Variants in SLC7A14 observed in about 807,000 individuals in gnomAD.
The protein encoded by SLC7A14 is gamma-aminobutyric acid transporter SLC7A14.
A neutral mutation model predicts 60.2 loss-of-function variants in SLC7A14; 37 were observed. The observed-to-expected ratio is 0.61, with a 90% CI of 0.47 to 0.81. The LOEUF (loss-of-function observed/expected upper bound fraction) is 0.81, where lower values mean the gene tolerates loss of function less well. Ranked by LOEUF, SLC7A14 falls within the 30% of genes least tolerant of loss-of-function variation. The pLI is 0.00. For missense variants in SLC7A14, 886 were observed against 982.7 expected (o/e 0.90, Z 1.32); for synonymous variants, 399 against 395.8 (o/e 1.01, Z -0.10).
At chr3:170,546,190 C>A (rs944862641) in intron 1 of SLC7A14, among the ~76,000 whole-genome samples, 1 of 152,232 alleles carries the variant, frequency 6.6e-6, no homozygotes, top group African/African-American at 2.4e-5. Context: ...ACCCAGCTCT[C>A]AGACAGAAGC....
At chr3:170,545,882 G>A (rs576510798) in intron 1 of SLC7A14, among the ~76,000 whole-genome samples, 8 of 152,346 alleles carry the variant, frequency 5.3e-5, no homozygotes, top group African/African-American at 1.9e-4. Flanking sequence ...ATAGTAAGCT[G>A]AGCACAGTGC....
Position 170,503,455 on chromosome 3 carries a change from G to A in SLC7A14, c.305-2110C>T, listed in dbSNP as rs191567755. 3.3e-5 allele frequency among the ~76,000 whole-genome samples: 5 copies of A among 152,232 alleles called. No individual in the cohort carries two copies. In the East Asian group the frequency reaches 7.7e-4, roughly 24 times the overall value. ...GATGCCGTGTGTTTTCAGGGTTCTC[G>A]GGAGTTGAGTTTGCACATACGGATT... On this transcript the variant is annotated intron_variant, in intron 2 of 7. Transcript: ENST00000231706.
chr3:170,534,221 G>A lies in SLC7A14; in HGVS notation c.-152-7133C>T, dbSNP rs181762406. Among the ~76,000 whole-genome samples the A allele has an allele frequency of 9.8e-5, 15 of 152,318 alleles. 1 individual carries two copies. Among genetic ancestry groups the A allele is most frequent in the Non-Finnish European group, 1.3e-4 (9 of 68,024 alleles). On this transcript the variant is annotated intron_variant, in intron 1 of 7. Transcript: ENST00000231706. ...AGATCTTTTCCCCAATCTGGACTGG[G>A]AGTCTACTCCACACGCCTTCTTATT...
intron 2 of SLC7A14, among the ~76,000 whole-genome samples, chr3:170,506,440 G>C (rs1410937767): frequency 6.6e-6 from 1 of 152,160 alleles, no homozygotes; most frequent in Non-Finnish European, 1.5e-5. Flanking sequence ...TTGAAAAGTG[G>C]GTTGGGACAA....
rs377049341 is a variant in SLC7A14, at chr3:170,501,318, C to T, written c.332G>A (p.Arg111Gln). 26 of 1,614,026 alleles carry T rather than the reference C, an allele frequency of 1.6e-5. No homozygotes were observed. Among genetic ancestry groups the T allele is most frequent in the African/African-American group, 2.7e-5 (2 of 74,916 alleles). ...SGVCYAEFGV[R>Q]VPKTTGSAYT... ...GGCAGATCCTGTGGTCTTGGGGACT[C>T]GAACTCCAAACTCTGCATAGCAGAC... Residue 111 changes from arginine (R) to glutamine (Q), a missense_variant, in exon 3 of 8, where the codon CGA becomes CAA. Arg to Gln is a conservative substitution (Grantham distance 43). Coordinates refer to ENST00000231706, the MANE Select transcript of SLC7A14 (RefSeq NM_020949.3).
intron 1 of SLC7A14, among the ~76,000 whole-genome samples, chr3:170,539,857 T>G (rs1283126959): frequency 6.6e-6 from 1 of 152,200 alleles, no homozygotes; most frequent in East Asian, 1.9e-4. Context: ...ATGATAAAGT[T>G]TAATTAATAG....
At chr3:170,531,912 C>T (rs747498589) in intron 1 of SLC7A14, among the ~76,000 whole-genome samples, 2 of 152,118 alleles carry the variant, frequency 1.3e-5, no homozygotes, top group Non-Finnish European at 1.5e-5. Flanking sequence ...ATGATAAAAG[C>T]AGGTTTGTTT....
At position 170,480,795 on chromosome 3, in the gene SLC7A14, A is replaced by G. The variant is rs2108268795; in HGVS notation, c.1487T>C (p.Ile496Thr). Residue 496 changes from isoleucine to threonine, a missense_variant, in exon 7 of 8, where the codon ATA becomes ACA. Transcript: ENST00000231706. ...GTAGGTTGACTTGTCTGATTTCCCT[A>G]TGAGCATCTCATTGTCTCCCAAGGA... Reference protein sequence around the residue: ...LPSLGDNEMLIGKSDKSTYNV... With the variant: ...LPSLGDNEMLTGKSDKSTYNV... The G allele has an allele frequency of 6.2e-7, 1 of 1,614,130 alleles. No individual in the cohort carries two copies. The highest frequency in any genetic ancestry group is 1.1e-5 in the South Asian group (1 of 91,078).
At chr3:170,546,835 C>T (rs1341045128) in intron 1 of SLC7A14, among the ~76,000 whole-genome samples, 2 of 152,122 alleles carry the variant, frequency 1.3e-5, no homozygotes, top group Non-Finnish European at 2.9e-5. Context: ...TTGGTGAGAG[C>T]TGTGGCACCG....
chr3:170,498,734 G>A lies in SLC7A14; in HGVS notation c.692C>T (p.Ala231Val). Residue 231 changes from alanine to valine, a missense_variant, in exon 4 of 8, where the codon GCA becomes GTA. Transcript: ENST00000231706. ...NLAVWVFIMI[A>V]GLFFINGKYW... Reference sequence around the variant, plus strand: ...TTTCCCATTGATGAAGAAGAGGCCTGCGATCATGATGAACACCCATACTGC... The same window carrying A: ...TTTCCCATTGATGAAGAAGAGGCCTACGATCATGATGAACACCCATACTGC... 6.2e-7 allele frequency: 1 copy of A among 1,614,168 alleles called. No homozygotes were observed. The highest frequency in any genetic ancestry group is 8.5e-7 in the Non-Finnish European group (1 of 1,180,048).
chr3:170,495,765 G>A, intron 4 of SLC7A14: 1 of 1,178,002 alleles, frequency 8.5e-7, no homozygotes, highest in Non-Finnish European at 1.3e-6. Context: ...CATCGACAAG[G>A]TACGGTTCCT....
chr3:170,492,674 T>C (rs1437501904), intron 4 of SLC7A14, among the ~76,000 whole-genome samples: 1 of 152,184 alleles, frequency 6.6e-6, no homozygotes, highest in African/African-American at 2.4e-5. Context: ...GCTTAGTTAA[T>C]TGTCAAAAGC....
rs543046436 is a variant in SLC7A14, at chr3:170,498,736, G to A, written c.690C>T (p.Ile230=). Residue 230 remains isoleucine, a synonymous_variant, in exon 4 of 8, where the codon ATC becomes ATT. Transcript: ENST00000231706. ...TCCCATTGATGAAGAAGAGGCCTGC[G>A]ATCATGATGAACACCCATACTGCCA... ...LNLAVWVFIM[I]AGLFFINGKY... is the part of the protein sequence containing the mutation. The A allele has an allele frequency of 5.3e-5, 86 of 1,614,152 alleles. No homozygotes were observed. In the South Asian group the frequency reaches 6.0e-4, roughly 11 times the overall value.
In SLC7A14 at chr3:170,465,344, G is replaced by T. The variant is rs1308769761; in HGVS notation, c.*1711C>A. On this transcript the variant is annotated 3_prime_UTR_variant, in exon 8 of 8. Transcript: ENST00000231706. ...TTTGTTGTTTTATCTGCATTTACCA[G>T]GCTCCAGTGCTGCTCATCCATGGAC... 1 of 152,186 alleles carries T rather than the reference G, an allele frequency of 6.6e-6. No individual in the cohort carries two copies. The highest frequency in any genetic ancestry group is 1.5e-5 in the Non-Finnish European group (1 of 68,030). The allele number at this position is 152,186 out of a possible 1,614,324, so 9.4% of individuals were successfully genotyped here. A position where few individuals can be genotyped will look rare whatever the true frequency, so the allele number is the denominator to read the frequency against.
At position 170,467,284 on chromosome 3, in the gene SLC7A14, T is replaced by TAGC; in HGVS notation, c.2084_2086dup (p.Arg695_Tyr696insCys). 10 of 1,614,250 alleles carry TAGC rather than the reference T, an allele frequency of 6.2e-6. No homozygotes were observed. The highest frequency in any genetic ancestry group is 8.5e-6 in the Non-Finnish European group (10 of 1,180,046). Reference sequence around the variant, plus strand: ...CACTGAGAAGGGGTCATCCACGTCGTAGCGTTGGTACGTGCTTTGGTGCAG... The same window carrying TAGC: ...CACTGAGAAGGGGTCATCCACGTCGTAGCAGCGTTGGTACGTGCTTTGGTGCAG... On this transcript the variant is annotated inframe_insertion, in exon 8 of 8. Coordinates refer to ENST00000231706, the MANE Select transcript of SLC7A14 (RefSeq NM_020949.3).
At chr3:170,482,152 G>A (rs1487815018) in intron 6 of SLC7A14, among the ~76,000 whole-genome samples, 1 of 152,150 alleles carries the variant, frequency 6.6e-6, no homozygotes, top group African/African-American at 2.4e-5. Flanking sequence ...AGACCAAGAA[G>A]AGCGACTGAA....
chr3:170,542,079 A>G (rs938014286), intron 1 of SLC7A14, among the ~76,000 whole-genome samples: 4 of 152,210 alleles, frequency 2.6e-5, no homozygotes, highest in Admixed American at 1.3e-4. Context: ...CTTTGGAGAT[A>G]CAATTTTTTA....
At chr3:170,577,624 CAA>C (rs56357954) in intron 1 of SLC7A14, among the ~76,000 whole-genome samples, 1,541 of 51,846 alleles carry the variant, frequency 0.03, 5 homozygotes, top group African/African-American at 0.087. Flanking sequence ...GACTCCGTCT[CAA>C]AAAAAAAAAA....
chr3:170,578,179 G>A (rs759627986), intron 1 of SLC7A14, among the ~76,000 whole-genome samples: 5 of 152,226 alleles, frequency 3.3e-5, no homozygotes, highest in Admixed American at 6.5e-5. Context: ...GGTGTGGCTG[G>A]CCACACATTC....
Sources: allele counts gnomAD v4.1 joint callset (sites outside exome capture counted in the v4.1 genomes callset), GRCh38; gene constraint gnomAD v4.1.1; transcripts MANE v1.5; gene names NCBI Gene and HGNC (gene_info 2026-07-23, HGNC 2026-07-21).